The following PDE10A variants were observed in gnomAD, a reference collection of about 807,000 sequenced individuals.
The protein encoded by PDE10A is cAMP and cAMP-inhibited cGMP 3',5'-cyclic phosphodiesterase 10A.
In PDE10A, 39 loss-of-function variants were observed where a neutral mutation model predicts 97.7. That is an observed-to-expected ratio of 0.40 (90% confidence interval 0.31 to 0.52). The LOEUF is 0.52. PDE10A is among the 20% of genes least tolerant of loss of function. PDE10A has a pLI of 0.56. For missense variants in PDE10A, 731 were observed against 1,047.8 expected (o/e 0.70, Z 4.17); for synonymous variants, 371 against 376.8 (o/e 0.98, Z 0.18).
chr6:165,830,141 G>A (rs1779870308), intron 1 of PDE10A, among the ~76,000 whole-genome samples: 1 of 152,200 alleles, frequency 6.6e-6, no homozygotes, highest in South Asian at 2.1e-4. Flanking sequence ...TTCAAGGTTG[G>A]AGGTGAAAAG....
intron 3 of PDE10A, among the ~76,000 whole-genome samples, chr6:165,481,952 G>A (rs748841217): frequency 2.0e-5 from 3 of 152,164 alleles, no homozygotes; most frequent in African/African-American, 7.2e-5. Context: ...GGCAGCTTCC[G>A]CTTCCCACCC....
intron 1 of PDE10A, among the ~76,000 whole-genome samples, chr6:165,706,471 A>G (rs1241328768): frequency 6.6e-6 from 1 of 152,214 alleles, no homozygotes; most frequent in Non-Finnish European, 1.5e-5. Context: ...AGGTTAATCA[A>G]TAAAGTCCAT....
At chr6:165,631,342 T>C (rs910680034) in intron 1 of PDE10A, among the ~76,000 whole-genome samples, 2 of 152,226 alleles carry the variant, frequency 1.3e-5, no homozygotes, top group African/African-American at 2.4e-5. Flanking sequence ...TACATAATTG[T>C]TACATGCGTA....
At chr6:165,684,929 C>T (rs944702060) in intron 1 of PDE10A, among the ~76,000 whole-genome samples, 7 of 152,186 alleles carry the variant, frequency 4.6e-5, no homozygotes, top group African/African-American at 1.2e-4. Flanking sequence ...GACAGTGAGA[C>T]GTCGACTTGA....
At chr6:165,444,017 C>T (rs981405843) in intron 5 of PDE10A, among the ~76,000 whole-genome samples, 8 of 152,174 alleles carry the variant, frequency 5.3e-5, no homozygotes, top group Non-Finnish European at 1.2e-4. Flanking sequence ...TTCTACAACA[C>T]GGTCAGGCTA....
intron 10 of PDE10A, among the ~76,000 whole-genome samples, chr6:165,423,727 T>C (rs1223786052): frequency 6.6e-6 from 1 of 151,586 alleles, no homozygotes; most frequent in Non-Finnish European, 1.5e-5. Flanking sequence ...TAAGCAGGTG[T>C]GGTGGCGCGT....
At chr6:165,955,811 G>A (rs550191850) in intron 1 of PDE10A, among the ~76,000 whole-genome samples, 1 of 152,148 alleles carries the variant, frequency 6.6e-6, no homozygotes, top group Admixed American at 6.5e-5. Flanking sequence ...GTTAAAAGCT[G>A]CCAATACCTG....
chr6:165,742,764 C>T (rs1055797225), intron 1 of PDE10A, among the ~76,000 whole-genome samples: 6 of 152,124 alleles, frequency 3.9e-5, no homozygotes, highest in African/African-American at 9.7e-5. Flanking sequence ...CCATCACTGC[C>T]TGAGCCTCTC....
chr6:165,669,934 T>C (rs1389662704), intron 1 of PDE10A, among the ~76,000 whole-genome samples: 5 of 152,220 alleles, frequency 3.3e-5, no homozygotes, highest in African/African-American at 1.2e-4. Context: ...CATTAAAGTA[T>C]TTGTGGGTTT....
At chr6:165,687,465 A>G (rs1156844438) in intron 1 of PDE10A, among the ~76,000 whole-genome samples, 1 of 152,242 alleles carries the variant, frequency 6.6e-6, no homozygotes, top group Non-Finnish European at 1.5e-5. Context: ...CTATCACCCC[A>G]TCTACAGAGA....
In PDE10A at chr6:165,456,542, G is replaced by T. The variant is rs546568328; in HGVS notation, c.1024-6180C>A. ...GCTGTTCTCCATCTCTTTTGGACAG[G>T]AAATGGGTTGTTACAAATAAGTGAG... On this transcript the variant is annotated intron_variant, in intron 3 of 21. Coordinates refer to ENST00000539869, the MANE Select transcript of PDE10A (RefSeq NM_001385079.1). Among the ~76,000 whole-genome samples the T allele has an allele frequency of 9.2e-5, 14 of 152,306 alleles. No homozygotes were observed. The South Asian group carries it at 2.5e-3, about 27-fold the overall frequency.
intron 18 of PDE10A, among the ~76,000 whole-genome samples, chr6:165,361,672 A>C (rs1001889248): frequency 6.6e-6 from 1 of 152,192 alleles, no homozygotes; most frequent in African/African-American, 2.4e-5. Flanking sequence ...CAGGTATCTC[A>C]TCACTGGCAT....
chr6:165,861,498 G>A (rs535750682), intron 1 of PDE10A, among the ~76,000 whole-genome samples: 1 of 152,002 alleles, frequency 6.6e-6, no homozygotes, highest in South Asian at 2.1e-4. Context: ...GACATAAAGG[G>A]GGGACGAGGG....
intron 1 of PDE10A, among the ~76,000 whole-genome samples, chr6:165,593,180 T>C (rs1377840012): frequency 1.3e-5 from 2 of 152,166 alleles, no homozygotes; most frequent in East Asian, 3.9e-4. Flanking sequence ...ACCATCATTC[T>C]CAGCAAACTA....
chr6:165,630,626 T>C (rs908991571), intron 1 of PDE10A, among the ~76,000 whole-genome samples: 1 of 152,202 alleles, frequency 6.6e-6, no homozygotes, highest in African/African-American at 2.4e-5. Flanking sequence ...TTAGTACCTT[T>C]ATTCTGACCA....
intron 15 of PDE10A, 92 bp downstream of exon 15, chr6:165,395,089 C>T: frequency 2.8e-6 from 2 of 711,758 alleles, no homozygotes; most frequent in Non-Finnish European, 4.8e-6. Flanking sequence ...AAAATAATTA[C>T]AAACAAAGAT....
intron 2 of PDE10A, among the ~76,000 whole-genome samples, chr6:165,500,051 G>A (rs377589348): frequency 4.6e-5 from 7 of 152,214 alleles, no homozygotes; most frequent in African/African-American, 1.7e-4. Context: ...GCATCTGATC[G>A]CCCCACTCCT....
chr6:165,677,769 T>TTGTG (rs747267572), intron 1 of PDE10A, among the ~76,000 whole-genome samples: 22 of 151,912 alleles, frequency 1.4e-4, no homozygotes, highest in Admixed American at 6.6e-5. Context: ...CGTAATGTGT[T>TTGTG]TGTGTGTGTG....
rs531899567 is a variant in PDE10A at position 165,777,188 on chromosome 6, G to A, written c.-615+210341C>T. On this transcript the variant is annotated intron_variant, in intron 1 of 19. Coordinates refer to the PDE10A transcript ENST00000366882. Reference sequence around the variant, plus strand: ...TTGATAGGGGCGGGGCAGAGTAGCTGGGAAGAGGAGATGGGCAGTCACCTG... The same window carrying A: ...TTGATAGGGGCGGGGCAGAGTAGCTAGGAAGAGGAGATGGGCAGTCACCTG... Among the ~76,000 whole-genome samples, 20 of 152,274 alleles carry A rather than the reference G, an allele frequency of 1.3e-4. 1 individual carries two copies. The highest frequency in any genetic ancestry group is 1.3e-3 in the Admixed American group (20 of 15,304).
Sources: gnomAD v4.1 joint callset for allele counts (sites outside exome capture counted in the v4.1 genomes callset) on GRCh38, gnomAD v4.1.1 for gene constraint, MANE v1.5 for transcripts, NCBI Gene and HGNC (gene_info 2026-07-23, HGNC 2026-07-21) for gene names.